The following GNB1L variants were observed in gnomAD, a reference collection of about 807,000 sequenced individuals.
GNB1L encodes the protein G protein subunit beta 1 like, also known as guanine nucleotide-binding protein subunit beta-like protein 1.
A neutral mutation model predicts 29.1 loss-of-function variants in GNB1L; 20 were observed. That is an observed-to-expected ratio of 0.69 (90% CI 0.48 to 1.00). The LOEUF (loss-of-function observed/expected upper bound fraction) is 1.00. GNB1L is among the 50% of genes least tolerant of loss of function. GNB1L has a pLI of 0.00. For missense variants in GNB1L, 421 were observed against 464.9 expected, an observed-to-expected ratio of 0.91 and a Z score of 0.87; for synonymous variants, 193 against 206.5, an observed-to-expected ratio of 0.93 and a Z score of 0.56.
chr22:19,848,943 G>T lies in GNB1L; in HGVS notation c.-21+5500C>A, dbSNP rs909756365. 1.8e-5 allele frequency: 18 copies of T among 985,400 alleles called. No individual in the cohort carries two copies. The African/African-American group carries it at 3.0e-4, about 16-fold the overall frequency. The allele number at this position is 985,400 out of a possible 1,614,324, so 61.0% of individuals were successfully genotyped here. On this transcript the variant is annotated intron_variant, in intron 2 of 7. Coordinates refer to ENST00000329517, the MANE Select transcript of GNB1L (RefSeq NM_053004.3). ...TGTCCATCCTAGAGAGCAACTCTGG[G>T]TTCTACTGCCAGACCCACAGGTGAG...
At chr22:19,792,702 C>A in intron 7 of GNB1L, 7 of 1,470,512 alleles carry the variant, frequency 4.8e-6, no homozygotes, top group Non-Finnish European at 6.6e-6. Flanking sequence ...ACCTGTCCTT[C>A]GAGCAGGAGT....
intron 4 of GNB1L, among the ~76,000 whole-genome samples, chr22:19,819,370 T>G (rs556959325): frequency 5.6e-4 from 85 of 152,254 alleles, no homozygotes; most frequent in Non-Finnish European, 1.1e-3. Flanking sequence ...GGGGCTGTGG[T>G]GACTGGGACC....
At chr22:19,818,055 G>A (rs760387756) in intron 4 of GNB1L, among the ~76,000 whole-genome samples, 2 of 152,190 alleles carry the variant, frequency 1.3e-5, no homozygotes, top group Non-Finnish European at 2.9e-5. Context: ...AGCACAGGCC[G>A]GGTGGCGGCC....
chr22:19,832,271 A>G (rs573235392), intron 2 of GNB1L, among the ~76,000 whole-genome samples: 4 of 152,340 alleles, frequency 2.6e-5, no homozygotes, highest in African/African-American at 9.6e-5. Flanking sequence ...TCAAGGCTGC[A>G]GCGAGCTGTG....
intron 4 of GNB1L, among the ~76,000 whole-genome samples, chr22:19,820,081 G>C (rs1364014109): frequency 6.6e-6 from 1 of 152,124 alleles, no homozygotes; most frequent in Non-Finnish European, 1.5e-5. Context: ...CCAGCTCCTA[G>C]GGCCTCCACC....
intron 6 of GNB1L, among the ~76,000 whole-genome samples, chr22:19,805,511 G>A (rs532790359): frequency 4.6e-5 from 7 of 152,320 alleles, no homozygotes; most frequent in South Asian, 2.1e-4. Context: ...GGCCGGGCGC[G>A]GTGGCTCACG....
intron 6 of GNB1L, among the ~76,000 whole-genome samples, chr22:19,802,944 C>T (rs929350859): frequency 2.6e-5 from 4 of 152,192 alleles, no homozygotes; most frequent in South Asian, 4.1e-4. Flanking sequence ...GGGACACAGC[C>T]GTCAGTCCCC....
intron 7 of GNB1L, chr22:19,792,909 T>G (rs1937267832): frequency 8.5e-7 from 1 of 1,181,690 alleles, no homozygotes; most frequent in Non-Finnish European, 1.2e-6. Context: ...CACCTTCACA[T>G]AGGTGAACTC....
intron 7 of GNB1L, among the ~76,000 whole-genome samples, chr22:19,791,024 A>T (rs989393610): frequency 2.9e-4 from 44 of 152,062 alleles, no homozygotes; most frequent in African/African-American, 1.0e-3. Flanking sequence ...TGAGCCCAGG[A>T]GTTCAAGACC....
chr22:19,844,586 C>T (rs577943573), intron 2 of GNB1L, among the ~76,000 whole-genome samples: 2 of 152,318 alleles, frequency 1.3e-5, no homozygotes, highest in South Asian at 2.1e-4. Flanking sequence ...GAAATGCCAG[C>T]GTGAGGAGCC....
intron 2 of GNB1L, among the ~76,000 whole-genome samples, chr22:19,842,156 T>C (rs1024827366): frequency 1.3e-5 from 2 of 152,196 alleles, no homozygotes; most frequent in Non-Finnish European, 2.9e-5. Flanking sequence ...ACAGCAGCAG[T>C]AAGGCCCAGA....
chr22:19,806,012 G>C (rs1331437807), intron 6 of GNB1L, among the ~76,000 whole-genome samples: 2 of 152,224 alleles, frequency 1.3e-5, no homozygotes, highest in East Asian at 3.9e-4. Context: ...TGATGAGGGA[G>C]GAGACTGGCC....
intron 2 of GNB1L, among the ~76,000 whole-genome samples, chr22:19,829,570 C>T (rs1439466657): frequency 6.6e-6 from 1 of 151,970 alleles, no homozygotes; most frequent in Non-Finnish European, 1.5e-5. Flanking sequence ...TAGACCAATA[C>T]CAGTTATGAC....
chr22:19,794,145 T>G (rs978733665), intron 7 of GNB1L, among the ~76,000 whole-genome samples: 4 of 152,180 alleles, frequency 2.6e-5, no homozygotes, highest in Non-Finnish European at 4.4e-5. Flanking sequence ...GATAGGTGCC[T>G]GTAGTCCCAA....
intron 2 of GNB1L, among the ~76,000 whole-genome samples, chr22:19,823,560 C>A (rs1164608694): frequency 6.6e-6 from 1 of 152,226 alleles, no homozygotes; most frequent in African/African-American, 2.4e-5. Context: ...GGCAAAAGCA[C>A]CTCCACCTAG....
intron 7 of GNB1L, among the ~76,000 whole-genome samples, chr22:19,797,437 C>T (rs1937319449): frequency 6.6e-6 from 1 of 152,192 alleles, no homozygotes; most frequent in Non-Finnish European, 1.5e-5. Flanking sequence ...TTTAAGAAAA[C>T]TCCAACAATG....
chr22:19,846,647 G>T, intron 2 of GNB1L: 3 of 777,598 alleles, frequency 3.9e-6, no homozygotes, highest in Non-Finnish European at 4.7e-6. Flanking sequence ...TTGAAGACAG[G>T]GTCTTTAAAG....
intron 2 of GNB1L, among the ~76,000 whole-genome samples, chr22:19,830,773 T>C (rs1240806851): frequency 6.6e-6 from 1 of 152,206 alleles, no homozygotes; most frequent in Admixed American, 6.5e-5. Context: ...GAGCTAGCCC[T>C]ATCAGATACT....
In GNB1L at chr22:19,847,223, G is replaced by A. The variant is rs148891950; in HGVS notation, c.-21+7220C>T. ...CACAGGTCTGACAGGCCCCAGCCACGGTGGCCCACAGGTGCAAGCAAGAAA... is the reference window on the plus strand; with the variant it reads ...CACAGGTCTGACAGGCCCCAGCCACAGTGGCCCACAGGTGCAAGCAAGAAA... On this transcript the variant is annotated intron_variant, in intron 2 of 7. Coordinates refer to ENST00000329517, the MANE Select transcript of GNB1L (RefSeq NM_053004.3). The A allele has an allele frequency of 2.3e-4, 228 of 985,476 alleles. No individual in the cohort carries two copies. In the African/African-American group the frequency reaches 3.1e-3, roughly 13 times the overall value. 61.0% of individuals were successfully genotyped at this position (985,476 alleles called of 1,614,324 possible).
Sources: gnomAD v4.1 joint callset for allele counts (sites outside exome capture counted in the v4.1 genomes callset) on GRCh38, gnomAD v4.1.1 for gene constraint, MANE v1.5 for transcripts, NCBI Gene and HGNC (gene_info 2026-07-23, HGNC 2026-07-21) for gene names.